HIBADH: variants seen among roughly 807,000 people sequenced by gnomAD.
HIBADH encodes 3-hydroxyisobutyrate dehydrogenase, mitochondrial.
HIBADH carries 25 observed loss-of-function variants against 36.1 expected under a neutral mutation model. The ratio of observed to expected loss-of-function variants is 0.69; its 90% CI spans 0.50 to 0.97. The LOEUF is 0.97. Among genes scored for constraint, HIBADH ranks in the 50% least tolerant of loss-of-function variants. The probability of loss-of-function intolerance (pLI) is 0.00; values close to 1 mark genes in which losing one functional copy is unlikely to be tolerated. For missense variants in HIBADH, 421 were observed against 418.0 expected, an observed-to-expected ratio of 1.01 and a Z score of -0.06; for synonymous variants, 160 against 149.5, an observed-to-expected ratio of 1.07 and a Z score of -0.51.
rs371811695 is a variant in HIBADH at position 27,597,439 on chromosome 7, G to C, written c.484+31932C>G. 7.0e-3 allele frequency among the ~76,000 whole-genome samples: 624 copies of C among 89,624 alleles called. 6 individuals carry two copies. Among genetic ancestry groups the C allele is most frequent in the African/African-American group, 0.032 (601 of 19,060 alleles). The allele number at this position is 89,624 out of a possible 152,430, so 58.8% of individuals were successfully genotyped here. The stretch of plus-strand genomic sequence containing the variant: ...AAAGTGTAGCTCCGAGCTTCCCATA[G>C]ACTCAGTAAAAAAAAAAAAACAATC... On this transcript the variant is annotated intron_variant, in intron 4 of 7. Transcript: ENST00000265395.
intron 2 of HIBADH, among the ~76,000 whole-genome samples, chr7:27,637,663 C>T (rs1430962527): frequency 6.6e-6 from 1 of 152,126 alleles, no homozygotes; most frequent in East Asian, 1.9e-4. Context: ...TCCCTGTGTG[C>T]AGACATGACG....
In HIBADH at chr7:27,643,051, C is replaced by T. The variant is rs112739546; in HGVS notation, c.252+6422G>A. Among the ~76,000 whole-genome samples, 380 of 152,326 alleles carry T rather than the reference C, an allele frequency of 2.5e-3. 5 individuals are homozygous for T. The highest frequency in any genetic ancestry group is 8.9e-3 in the African/African-American group (369 of 41,588). On this transcript the variant is annotated intron_variant, in intron 2 of 7. Coordinates refer to ENST00000265395, the MANE Select transcript of HIBADH (RefSeq NM_152740.4). The stretch of plus-strand genomic sequence containing the variant: ...TGTGACCTTTTACTTTTTCTTTAGA[C>T]TTATCACAATTTGGAATCACATATT...
intron 3 of HIBADH, among the ~76,000 whole-genome samples, chr7:27,631,895 C>T (rs1189459545): frequency 6.6e-6 from 1 of 152,174 alleles, no homozygotes; most frequent in Non-Finnish European, 1.5e-5. Context: ...TTACTACAAA[C>T]GTACTAACCC....
At chr7:27,621,641 A>T (rs1292677746) in intron 4 of HIBADH, among the ~76,000 whole-genome samples, 1 of 152,014 alleles carries the variant, frequency 6.6e-6, no homozygotes, top group Non-Finnish European at 1.5e-5. Flanking sequence ...AAAATACAAA[A>T]ATGAGCCAGG....
chr7:27,541,876 T>C (rs6462029), intron 5 of HIBADH: 217,433 of 296,432 alleles, frequency 0.73, 80,951 homozygotes, highest in East Asian at 0.94. Flanking sequence ...CATTTTATGC[T>C]CAATACTTGT....
chr7:27,618,368 G>A (rs933571163), intron 4 of HIBADH, among the ~76,000 whole-genome samples: 3 of 152,086 alleles, frequency 2.0e-5, no homozygotes, highest in African/African-American at 7.2e-5. Flanking sequence ...GAAAAGCCTG[G>A]TAGCAACATG....
chr7:27,553,811 T>G (rs1784354294), intron 4 of HIBADH, among the ~76,000 whole-genome samples: 1 of 152,202 alleles, frequency 6.6e-6, no homozygotes, highest in Admixed American at 6.5e-5. Context: ...AACTCCGTCT[T>G]GCAAATAACG....
rs765404550 is a variant in HIBADH at position 27,632,306 on chromosome 7, A to C, written c.362+30T>G. 5 of 1,385,260 alleles carry C rather than the reference A, an allele frequency of 3.6e-6. No homozygotes were observed. In the Admixed American group the frequency reaches 8.4e-5, roughly 23 times the overall value. 85.8% of individuals were successfully genotyped at this position (1,385,260 alleles called of 1,614,324 possible). On this transcript the variant is annotated intron_variant, in intron 3 of 7. Transcript: ENST00000265395. ...GTGAAATTCATGAACTATCATAACA[A>C]GAAAATATCCACAGGTGAGAAATAC...
rs142948766 is a variant in HIBADH, at chr7:27,555,427, G to C, written c.485-12327C>G. On this transcript the variant is annotated intron_variant, in intron 4 of 7. Coordinates refer to ENST00000265395, the MANE Select transcript of HIBADH (RefSeq NM_152740.4). ...TCCTGACTACATACAACTTGTTTCA[G>C]TAGAACACTGAGTACAAAGACAAGA... 2.2e-3 allele frequency among the ~76,000 whole-genome samples: 329 copies of C among 149,024 alleles called. 1 individual carries two copies. The highest frequency in any genetic ancestry group is 7.9e-3 in the African/African-American group (320 of 40,472).
At chr7:27,562,606 C>T (rs1259285956) in intron 4 of HIBADH, among the ~76,000 whole-genome samples, 1 of 152,172 alleles carries the variant, frequency 6.6e-6, no homozygotes. Flanking sequence ...ATCCTCCTAC[C>T]TCAGCCTCCT....
intron 7 of HIBADH, among the ~76,000 whole-genome samples, chr7:27,529,953 G>T (rs956379879): frequency 7.2e-5 from 11 of 152,170 alleles, no homozygotes; most frequent in African/African-American, 2.6e-4. Flanking sequence ...CAGCAAAAAA[G>T]GACTATATGA....
intron 4 of HIBADH, among the ~76,000 whole-genome samples, chr7:27,604,484 T>C (rs1785186043): frequency 6.6e-6 from 1 of 151,920 alleles, no homozygotes; most frequent in African/African-American, 2.4e-5. Flanking sequence ...TGAGAAATTC[T>C]AACACAACAA....
chr7:27,553,692 C>G (rs1583566249), intron 4 of HIBADH, among the ~76,000 whole-genome samples: 1 of 152,144 alleles, frequency 6.6e-6, no homozygotes. Flanking sequence ...CACCTCAGAT[C>G]AAGATGGTGC....
At chr7:27,647,858 C>T (rs560964749) in intron 2 of HIBADH, 53 of 198,104 alleles carry the variant, frequency 2.7e-4, no homozygotes, top group Non-Finnish European at 5.9e-4. Flanking sequence ...GGAAGTACTA[C>T]AGGCATAGAG....
At chr7:27,600,918 T>G (rs1785120610) in intron 4 of HIBADH, among the ~76,000 whole-genome samples, 1 of 152,180 alleles carries the variant, frequency 6.6e-6, no homozygotes. Flanking sequence ...CTTACCAGAC[T>G]ACTGAATTCT....
At chr7:27,556,054 A>G (rs1035763368) in intron 4 of HIBADH, among the ~76,000 whole-genome samples, 1 of 152,184 alleles carries the variant, frequency 6.6e-6, no homozygotes, top group Non-Finnish European at 1.5e-5. Flanking sequence ...AACTTAATGC[A>G]AAAAACATTC....
intron 5 of HIBADH, chr7:27,541,720 G>T: frequency 2.3e-6 from 1 of 427,918 alleles, no homozygotes; most frequent in South Asian, 1.7e-5. Flanking sequence ...ACTTTGTATG[G>T]GTCCCATGGT....
chr7:27,625,226 C>T (rs1032671551), intron 4 of HIBADH, among the ~76,000 whole-genome samples: 1 of 152,132 alleles, frequency 6.6e-6, no homozygotes, highest in Non-Finnish European at 1.5e-5. Context: ...GAAAGGCATA[C>T]CTTTTTCTTT....
At chr7:27,636,963 T>C (rs547191435) in intron 2 of HIBADH, among the ~76,000 whole-genome samples, 5 of 152,348 alleles carry the variant, frequency 3.3e-5, no homozygotes, top group African/African-American at 1.2e-4. Flanking sequence ...CTTGGCCTTT[T>C]GGCTATAATC....
Sources: allele counts gnomAD v4.1 joint callset (sites outside exome capture counted in the v4.1 genomes callset), GRCh38; gene constraint gnomAD v4.1.1; transcripts MANE v1.5; gene names NCBI Gene and HGNC (gene_info 2026-07-23, HGNC 2026-07-21).